The following SKP1 variants were observed in gnomAD, a reference collection of about 807,000 sequenced individuals.
SKP1 encodes S-phase kinase associated protein 1, also known as S-phase kinase-associated protein 1.
A neutral mutation model predicts 21.5 loss-of-function variants in SKP1; 1 was observed. The observed-to-expected ratio is 0.05, with a 90% CI of 0.02 to 0.22. The LOEUF is 0.22. Among genes scored for constraint, SKP1 ranks in the 10% least tolerant of loss-of-function variants. SKP1 has a pLI of 1.00. For synonymous variants in SKP1, 59 were observed against 59.3 expected (o/e 0.99, Z 0.03); for missense variants, 70 against 192.0 (o/e 0.36, Z 3.76).
chr5:134,174,446 C>T, intron 1 of SKP1: 3 of 983,998 alleles, frequency 3.0e-6, no homozygotes, highest in Non-Finnish European at 3.6e-6. Context: ...GAAATTTTCC[C>T]CACAGTGAGT....
rs935114792 is a variant in SKP1 at position 134,150,350 on chromosome 5, G to A, written c.*7383C>T. The A allele has an allele frequency of 6.6e-6, 1 of 152,160 alleles. No homozygotes were observed. Among genetic ancestry groups the A allele is most frequent in the East Asian group, 1.9e-4 (1 of 5,188 alleles). The allele number at this position is 152,160 out of a possible 1,614,324, so 9.4% of individuals were successfully genotyped here. A position where few individuals can be genotyped will look rare whatever the true frequency, so the allele number is the denominator to read the frequency against. On this transcript the variant is annotated 3_prime_UTR_variant, in exon 6 of 6. Transcript: ENST00000353411. The stretch of plus-strand genomic sequence containing the variant: ...CCCTAGCTTTGTTCAGTATACATAA[G>A]CCTGGCCAGGAAGGCCACAAGTAAA...
intron 4 of SKP1, among the ~76,000 whole-genome samples, chr5:134,159,444 G>A (rs1761179215): frequency 1.3e-5 from 2 of 151,944 alleles, no homozygotes; most frequent in Admixed American, 1.3e-4. Context: ...TCAGTGGCGT[G>A]ATCTCGGCTC....
At position 134,150,281 on chromosome 5, in the gene SKP1, C is replaced by T. The variant is rs1761026000; in HGVS notation, c.*7452G>A. ...TGAATGGCTCCTGTGGTCTCCCATT[C>T]CTTCTGGCTGTGGACCCCTAACAGC... On this transcript the variant is annotated 3_prime_UTR_variant, in exon 6 of 6. Coordinates refer to ENST00000353411, the MANE Select transcript of SKP1 (RefSeq NM_170679.3). 6.6e-6 allele frequency: 1 copy of T among 152,242 alleles called. No homozygotes were observed. The highest frequency in any genetic ancestry group is 2.4e-5 in the African/African-American group (1 of 41,436). The allele number at this position is 152,242 out of a possible 1,614,324, so 9.4% of individuals were successfully genotyped here.
chr5:134,167,696 TG>T, intron 2 of SKP1, among the ~76,000 whole-genome samples: 1 of 152,282 alleles, frequency 6.6e-6, no homozygotes, highest in East Asian at 1.9e-4. Context: ...GCTAATTTTT[TG>T]TATTTTTTAG....
At chr5:134,171,024 C>T (rs1761429095) in intron 2 of SKP1, 1 of 455,992 alleles carries the variant, frequency 2.2e-6, no homozygotes, top group Non-Finnish European at 4.4e-6. Flanking sequence ...TCAATAGGTA[C>T]TTGATGAACA....
In SKP1 at chr5:134,176,906, G is replaced by A. The variant is rs1234542542; in HGVS notation, c.-52C>T. 4 of 153,036 alleles carry A rather than the reference G, an allele frequency of 2.6e-5. No individual in the cohort carries two copies. The highest frequency in any genetic ancestry group is 5.9e-5 in the Non-Finnish European group (4 of 68,258). 9.5% of individuals were successfully genotyped at this position (153,036 alleles called of 1,614,324 possible). A position where few individuals can be genotyped will look rare whatever the true frequency, so the allele number is the denominator to read the frequency against. ...GCGGGAGGCTGACGAGAGCCGGGAGGCGTTAGCGAAGGAAGAGAAAAACCG... is the reference window on the plus strand; with the variant it reads ...GCGGGAGGCTGACGAGAGCCGGGAGACGTTAGCGAAGGAAGAGAAAAACCG... On this transcript the variant is annotated 5_prime_UTR_variant, in exon 1 of 6. Coordinates refer to ENST00000353411, the MANE Select transcript of SKP1 (RefSeq NM_170679.3).
chr5:134,154,536 A>G lies in SKP1; in HGVS notation c.*3197T>C, dbSNP rs1761094663. On this transcript the variant is annotated 3_prime_UTR_variant, in exon 6 of 6. Transcript: ENST00000353411. ...AATGTTAAGGAGAAAATAATAAGCT[A>G]ACATTCAGGAAGGTTTTGGTTTACT... is the stretch of plus-strand genomic sequence containing the variant. 1 of 152,086 alleles carries G rather than the reference A, an allele frequency of 6.6e-6. No individual in the cohort carries two copies. The highest frequency in any genetic ancestry group is 1.5e-5 in the Non-Finnish European group (1 of 68,010). The allele number at this position is 152,086 out of a possible 1,614,324, so 9.4% of individuals were successfully genotyped here.
chr5:134,160,181 C>T (rs1761194434), intron 4 of SKP1, among the ~76,000 whole-genome samples: 1 of 151,778 alleles, frequency 6.6e-6, no homozygotes, highest in African/African-American at 2.4e-5. Context: ...CATGGTGAAA[C>T]CCCATCTCTA....
rs1323551243 is a variant in SKP1 at position 134,176,895 on chromosome 5, A to G, written c.-41T>C. On this transcript the variant is annotated 5_prime_UTR_variant, in exon 1 of 6. Coordinates refer to ENST00000353411, the MANE Select transcript of SKP1 (RefSeq NM_170679.3). ...GGAGACGGCCGGCGGGAGGCTGACGAGAGCCGGGAGGCGTTAGCGAAGGAA... is the reference window on the plus strand; with the variant it reads ...GGAGACGGCCGGCGGGAGGCTGACGGGAGCCGGGAGGCGTTAGCGAAGGAA... 1 of 153,074 alleles carries G rather than the reference A, an allele frequency of 6.5e-6. No individual in the cohort carries two copies. The highest frequency in any genetic ancestry group is 1.5e-5 in the Non-Finnish European group (1 of 68,234). The allele number at this position is 153,074 out of a possible 1,614,324, so 9.5% of individuals were successfully genotyped here.
chr5:134,175,602 C>T (rs1029274696), intron 1 of SKP1: 1 of 152,110 alleles, frequency 6.6e-6, no homozygotes, highest in Non-Finnish European at 1.5e-5. Context: ...GCAAGACGAC[C>T]GTTTCATATT....
At chr5:134,171,669 C>A (rs1172196596) in intron 2 of SKP1, among the ~76,000 whole-genome samples, 16 of 152,212 alleles carry the variant, frequency 1.1e-4, no homozygotes, top group African/African-American at 3.4e-4. Flanking sequence ...CAACTAAAAA[C>A]CGTATTTTCA....
chr5:134,168,362 T>G (rs1207088980), intron 2 of SKP1, among the ~76,000 whole-genome samples: 1 of 152,012 alleles, frequency 6.6e-6, no homozygotes, highest in Non-Finnish European at 1.5e-5. Flanking sequence ...CTAAAAATAC[T>G]AAAAATGCGC....
chr5:134,165,847 C>T (rs1490819081), intron 3 of SKP1, among the ~76,000 whole-genome samples: 1 of 151,998 alleles, frequency 6.6e-6, no homozygotes, highest in Non-Finnish European at 1.5e-5. Context: ...GATTGTGCCA[C>T]TGCTCTCCAG....
chr5:134,158,021 A>T, intron 5 of SKP1: 1 of 1,487,838 alleles, frequency 6.7e-7, no homozygotes, highest in Non-Finnish European at 9.0e-7. Context: ...GAGCAAATTC[A>T]GTTAATTCAT....
chr5:134,155,393 C>T lies in SKP1; in HGVS notation c.*2340G>A, dbSNP rs1276951772. On this transcript the variant is annotated 3_prime_UTR_variant, in exon 6 of 6. Transcript: ENST00000353411. ...GTAGGAAAATAATACTGCAACCAGA[C>T]TGAAAAGGGCTTCTTAATACCATGT... is the stretch of plus-strand genomic sequence containing the variant. The T allele has an allele frequency of 6.6e-6, 1 of 152,182 alleles. No homozygotes were observed. Among genetic ancestry groups the T allele is most frequent in the Non-Finnish European group, 1.5e-5 (1 of 68,030 alleles). The allele number at this position is 152,182 out of a possible 1,614,324, so 9.4% of individuals were successfully genotyped here. A position where few individuals can be genotyped will look rare whatever the true frequency, so the allele number is the denominator to read the frequency against.
chr5:134,171,428 C>A (rs1009062223), intron 2 of SKP1, among the ~76,000 whole-genome samples: 1 of 152,214 alleles, frequency 6.6e-6, no homozygotes, highest in Non-Finnish European at 1.5e-5. Context: ...CCAACATCAT[C>A]ATCTTCCAGA....
At chr5:134,163,760 A>C (rs1761271875) in intron 3 of SKP1, among the ~76,000 whole-genome samples, 1 of 152,174 alleles carries the variant, frequency 6.6e-6, no homozygotes, top group Non-Finnish European at 1.5e-5. Flanking sequence ...ACTGCACTCC[A>C]GCCCAGGCAA....
Position 134,152,019 on chromosome 5 carries a change from C to G in SKP1, c.*5714G>C, listed in dbSNP as rs894023749. 1 of 192,872 alleles carries G rather than the reference C, an allele frequency of 5.2e-6. No homozygotes were observed. The highest frequency in any genetic ancestry group is 1.1e-5 in the Non-Finnish European group (1 of 90,408). The allele number at this position is 192,872 out of a possible 1,614,324, so 11.9% of individuals were successfully genotyped here. On this transcript the variant is annotated 3_prime_UTR_variant, in exon 6 of 6. Transcript: ENST00000353411. Reference sequence around the variant, plus strand: ...CCAAAGGACATGCTCTGAAATATTTCTTACACCATACTTCATCTTGATATG... The same window carrying G: ...CCAAAGGACATGCTCTGAAATATTTGTTACACCATACTTCATCTTGATATG...
At chr5:134,170,369 C>CA (rs1761418582) in intron 2 of SKP1, among the ~76,000 whole-genome samples, 1 of 152,136 alleles carries the variant, frequency 6.6e-6, no homozygotes, top group Non-Finnish European at 1.5e-5. Context: ...ACTAAATGCA[C>CA]AAGTAGCAAC....
Sources: allele counts gnomAD v4.1 joint callset (sites outside exome capture counted in the v4.1 genomes callset), GRCh38; gene constraint gnomAD v4.1.1; transcripts MANE v1.5; gene names NCBI Gene and HGNC (gene_info 2026-07-23, HGNC 2026-07-21).